Variants in MDM4 observed in about 807,000 individuals in gnomAD.
The protein encoded by MDM4 is protein Mdm4.
In MDM4, 2 loss-of-function variants were observed where a neutral mutation model predicts 60.2. That is an observed-to-expected ratio of 0.03 (90% CI 0.01 to 0.10). The LOEUF is 0.10. Ranked by LOEUF, MDM4 falls within the 10% of genes least tolerant of loss-of-function variation. The probability of loss-of-function intolerance (pLI) is 1.00; values close to 1 mark genes in which losing one functional copy is unlikely to be tolerated. For synonymous variants in MDM4, 202 were observed against 198.1 expected (o/e 1.02, Z -0.17); for missense variants, 447 against 577.5 (o/e 0.77, Z 2.32).
intron 5 of MDM4, among the ~76,000 whole-genome samples, chr1:204,535,752 G>T (rs1661344118): frequency 6.6e-6 from 1 of 150,474 alleles, no homozygotes; most frequent in Non-Finnish European, 1.5e-5. Context: ...GGTTGCCCAG[G>T]CTGGTCTCAA....
At chr1:204,540,098 G>A (rs748889389) in intron 7 of MDM4, among the ~76,000 whole-genome samples, 11 of 151,470 alleles carry the variant, frequency 7.3e-5, no homozygotes, top group Non-Finnish European at 1.5e-4. Flanking sequence ...TGGCCAACAC[G>A]GTGAAATCCT....
rs4252678 is a variant in MDM4 at position 204,526,146 on chromosome 1, C to G, written c.79-214C>G. 9.3e-3 allele frequency among the ~76,000 whole-genome samples: 1,412 copies of G among 152,208 alleles called. 23 individuals carry two copies. The highest frequency in any genetic ancestry group is 0.032 in the African/African-American group (1,326 of 41,512). ...TGGCGTGCACCTGTAGTCCCAGCTA[C>G]TCTGGAGGCTGAAGTGGGAGGATCA... is the stretch of plus-strand genomic sequence containing the variant. On this transcript the variant is annotated intron_variant, in intron 2 of 10. Coordinates refer to ENST00000367182, the MANE Select transcript of MDM4 (RefSeq NM_002393.5).
rs944445893 is a variant in MDM4, at chr1:204,554,361, C to T, written c.*4679C>T. On this transcript the variant is annotated 3_prime_UTR_variant, in exon 11 of 11. Transcript: ENST00000367182. ...TAAATTGTTCAGAACTATATCCTAA[C>T]GAGCAATTAGTTCTGATGGTTCTCC... is the stretch of plus-strand genomic sequence containing the variant. 3.1e-5 allele frequency: 7 copies of T among 225,364 alleles called. No homozygotes were observed. Among genetic ancestry groups the T allele is most frequent in the South Asian group, 1.8e-4 (1 of 5,464 alleles). 14.0% of individuals were successfully genotyped at this position (225,364 alleles called of 1,614,324 possible). A position where few individuals can be genotyped will look rare whatever the true frequency, so the allele number is the denominator to read the frequency against.
At chr1:204,543,094 G>A in intron 8 of MDM4, 150 bp downstream of exon 8, 1 of 640,498 alleles carries the variant, frequency 1.6e-6, no homozygotes, top group Non-Finnish European at 2.6e-6. Context: ...ACCCAAATCT[G>A]TATCTCTAGT....
At chr1:204,539,154 C>T (rs1661751319) in intron 7 of MDM4, among the ~76,000 whole-genome samples, 1 of 152,130 alleles carries the variant, frequency 6.6e-6, no homozygotes, top group African/African-American at 2.4e-5. Context: ...CAGGTGCATG[C>T]CACTACGCCT....
rs56200417 is a variant in MDM4 at position 204,552,890 on chromosome 1, C to T, written c.*3208C>T. 79,273 of 145,360 alleles carry T rather than the reference C, an allele frequency of 0.55. 20,647 individuals carry two copies. Among genetic ancestry groups the T allele is most frequent in the East Asian group, 0.67 (4,896 of 7,282 alleles). The allele number at this position is 145,360 out of a possible 1,614,324, so 9.0% of individuals were successfully genotyped here. On this transcript the variant is annotated 3_prime_UTR_variant, in exon 11 of 11. Transcript: ENST00000367182. ...TTCTTTTCTTTTTTTTTTTTTTTTA[C>T]TTGAGATGGAGTTTTGCTCTTGTCG...
intron 1 of MDM4, among the ~76,000 whole-genome samples, chr1:204,521,497 G>C (rs1429719720): frequency 6.6e-6 from 1 of 152,036 alleles, no homozygotes; most frequent in Non-Finnish European, 1.5e-5. Flanking sequence ...GTGCTTTGGA[G>C]GGTATGGCTA....
In MDM4 at chr1:204,555,726, G is replaced by T; in HGVS notation, c.*6044G>T. ...CTAAAAATACAAAAATTAGCCGGTC[G>T]TGGTGGCGTGCACCTGTAGTCCCAG... On this transcript the variant is annotated 3_prime_UTR_variant, in exon 11 of 11. Coordinates refer to ENST00000367182, the MANE Select transcript of MDM4 (RefSeq NM_002393.5). 1 of 172,004 alleles carries T rather than the reference G, an allele frequency of 5.8e-6. No homozygotes were observed. Among genetic ancestry groups the T allele is most frequent in the East Asian group, 1.1e-4 (1 of 9,424 alleles). 10.7% of individuals were successfully genotyped at this position (172,004 alleles called of 1,614,324 possible).
intron 5 of MDM4, among the ~76,000 whole-genome samples, chr1:204,533,450 G>A (rs1039208482): frequency 2.0e-4 from 31 of 152,208 alleles, no homozygotes; most frequent in African/African-American, 7.5e-4. Context: ...TGGACCTCTC[G>A]GGCTCAGGTG....
At position 204,549,713 on chromosome 1, in the gene MDM4, C is replaced by A; in HGVS notation, c.*31C>A. 8.2e-7 allele frequency: 1 copy of A among 1,220,422 alleles called. No individual in the cohort carries two copies. The highest frequency in any genetic ancestry group is 1.1e-6 in the Non-Finnish European group (1 of 873,138). 75.6% of individuals were successfully genotyped at this position (1,220,422 alleles called of 1,614,324 possible). ...GTACGAACATAAAAATGCATTTATT[C>A]CGTTCACTTACCACATTATTTGAAA... On this transcript the variant is annotated 3_prime_UTR_variant, in exon 11 of 11. Transcript: ENST00000367182.
At chr1:204,517,097 G>C (rs1416347612) in intron 1 of MDM4, among the ~76,000 whole-genome samples, 1 of 151,990 alleles carries the variant, frequency 6.6e-6, no homozygotes, top group African/African-American at 2.4e-5. Context: ...AAAAATATTA[G>C]ATGTGTGTGG....
At chr1:204,538,177 C>T (rs986915016) in intron 6 of MDM4, 32 bp from the exon 7 acceptor site, 2 of 1,201,546 alleles carry the variant, frequency 1.7e-6, no homozygotes, top group African/African-American at 3.0e-5. Flanking sequence ...GTTATTTCTA[C>T]TGCACTGATG....
At chr1:204,522,863 CTTT>C (rs10711972) in intron 1 of MDM4, among the ~76,000 whole-genome samples, 27 of 141,362 alleles carry the variant, frequency 1.9e-4, no homozygotes, top group Admixed American at 3.5e-4. Flanking sequence ...TACTGATTGT[CTTT>C]TTTTTTTTTT....
intron 1 of MDM4, among the ~76,000 whole-genome samples, chr1:204,519,644 G>A (rs1659351464): frequency 6.6e-6 from 1 of 151,988 alleles, no homozygotes; most frequent in Non-Finnish European, 1.5e-5. Flanking sequence ...TTTGAGACTA[G>A]CCTGGGGAAC....
intron 7 of MDM4, among the ~76,000 whole-genome samples, chr1:204,538,869 C>CT (rs34355422): frequency 0.55 from 64,596 of 117,616 alleles, 20,244 homozygotes; most frequent in Non-Finnish European, 0.68. Context: ...CCACGCCTGG[C>CT]TTTTTTTTTT....
At chr1:204,532,754 A>T (rs1017800828) in intron 5 of MDM4, 5 of 1,608,926 alleles carry the variant, frequency 3.1e-6, no homozygotes, top group Middle Eastern at 1.7e-4. Flanking sequence ...TTTTCATGTC[A>T]TTTACGTGTT....
intron 6 of MDM4, chr1:204,537,870 A>G (rs1219011030): frequency 7.5e-6 from 5 of 670,456 alleles, no homozygotes; most frequent in Non-Finnish European, 1.4e-5. Flanking sequence ...GAAACTTTAT[A>G]GTCATCTTGG....
rs1202947445 is a variant in MDM4, at chr1:204,530,768, C to T, written c.238C>T (p.Leu80Phe). The T allele has an allele frequency of 6.2e-7, 1 of 1,614,136 alleles. No individual in the cohort carries two copies. The highest frequency in any genetic ancestry group is 8.5e-7 in the Non-Finnish European group (1 of 1,180,028). Residue 80 changes from leucine to phenylalanine, a missense_variant, in exon 4 of 11, where the codon CTT becomes TTT. Around this residue, in one of 8 missense-constraint regions of MDM4, gnomAD observed 31 missense variants for 87.6 expected, o/e 0.35. Coordinates refer to ENST00000367182, the MANE Select transcript of MDM4 (RefSeq NM_002393.5). ...EQHMVYCGGDLLGELLGRQSF... is the reference protein window; with the variant it reads ...EQHMVYCGGDFLGELLGRQSF... ...GCATATGGTATATTGTGGTGGAGAT[C>T]TTTTGGGAGAACTACTGGGACGTCA...
Position 204,526,360 on chromosome 1 carries a change from G to T in MDM4, c.79G>T (p.Val27Leu). The change falls in exon 3 of 11, where the codon GTA becomes TTA. Residue 27 changes from valine to leucine, a missense_variant and splice_region_variant. Transcript: ENST00000367182. The part of the protein sequence containing the change: ...CRISPGQINQ[V>L]RPKLPLLKIL... The stretch of plus-strand genomic sequence containing the variant: ...CACATTTATTTTATGTTTATATCAG[G>T]TACGACCAAAACTGCCGCTTTTGAA... 1.2e-6 allele frequency: 2 copies of T among 1,612,974 alleles called. No individual in the cohort carries two copies. Among genetic ancestry groups the T allele is most frequent in the Non-Finnish European group, 1.7e-6 (2 of 1,179,042 alleles).
Sources: allele counts gnomAD v4.1 joint callset (sites outside exome capture counted in the v4.1 genomes callset), GRCh38; gene constraint gnomAD v4.1.1; regional missense constraint gnomAD v4.1.1; transcripts MANE v1.5; gene names NCBI Gene and HGNC (gene_info 2026-07-23, HGNC 2026-07-21).